MMP26: variants seen among roughly 807,000 people sequenced by gnomAD.
MMP26 encodes the protein matrix metalloproteinase-26.
In MMP26, 33 loss-of-function variants were observed where a neutral mutation model predicts 31.0. The observed-to-expected ratio is 1.06, with a 90% CI of 0.81 to 1.42. MMP26 has a LOEUF of 1.42. Ranked by LOEUF, MMP26 falls within the 40% of genes most tolerant of loss-of-function variation. The pLI is 0.00. For missense variants in MMP26, 347 were observed against 316.1 expected (o/e 1.10, Z -0.74); for synonymous variants, 122 against 114.9 (o/e 1.06, Z -0.40).
chr11:4,821,373 T>A (rs1849494890), intron 2 of MMP26: 1 of 1,594,366 alleles, frequency 6.3e-7, no homozygotes, highest in African/African-American at 1.3e-5. Flanking sequence ...CTATGTATTA[T>A]GTGTTATGTT....
intron 2 of MMP26, among the ~76,000 whole-genome samples, chr11:4,900,003 T>A (rs1175816747): frequency 6.6e-6 from 1 of 152,176 alleles, no homozygotes; most frequent in Admixed American, 6.5e-5. Flanking sequence ...CAGTCAAAGC[T>A]ATGTATAATG....
At chr11:4,771,748 A>C (rs1469754) in intron 2 of MMP26, among the ~76,000 whole-genome samples, 45,651 of 152,022 alleles carry the variant, frequency 0.3, 8,370 homozygotes, top group African/African-American at 0.5. Context: ...TCTGTGGTTT[A>C]TTTTAAATCT....
At chr11:4,969,855 C>G (rs922358260) in intron 2 of MMP26, among the ~76,000 whole-genome samples, 4 of 152,036 alleles carry the variant, frequency 2.6e-5, no homozygotes, top group Non-Finnish European at 5.9e-5. Flanking sequence ...GGCTCACTTG[C>G]CAAAGATACG....
At position 4,926,711 on chromosome 11, in the gene MMP26, T is replaced by G. The variant is rs1851278288; in HGVS notation, c.-144-61357T>G. On this transcript the variant is annotated intron_variant, in intron 2 of 7. Transcript: ENST00000380390. ...TTATTTTCTCACTTTCAAAATATAG[T>G]CCTTGCATATTATATTTTGGATATG... is the stretch of plus-strand genomic sequence containing the variant. 3.3e-5 allele frequency among the ~76,000 whole-genome samples: 5 copies of G among 152,168 alleles called. 1 individual carries two copies. Among genetic ancestry groups the G allele is most frequent in the Admixed American group, 3.3e-4 (5 of 15,270 alleles).
At chr11:4,705,286 AT>A (rs777982309) in intron 1 of MMP26, among the ~76,000 whole-genome samples, 6 of 152,132 alleles carry the variant, frequency 3.9e-5, no homozygotes, top group Non-Finnish European at 8.8e-5. Context: ...AGAAAAAAAA[AT>A]TTAAATAAGG....
chr11:4,935,292 A>G (rs1370211745), intron 2 of MMP26, among the ~76,000 whole-genome samples: 8 of 151,146 alleles, frequency 5.3e-5, no homozygotes, highest in African/African-American at 1.7e-4. Flanking sequence ...GGTCCTTCAC[A>G]TCCCTTGTAA....
At chr11:4,707,961 T>C (rs1003110770) in intron 1 of MMP26, among the ~76,000 whole-genome samples, 2 of 152,208 alleles carry the variant, frequency 1.3e-5, no homozygotes, top group African/African-American at 4.8e-5. Flanking sequence ...GGTCTTTTCT[T>C]TAAATACTGC....
At chr11:4,825,571 T>C (rs1260229034) in intron 2 of MMP26, among the ~76,000 whole-genome samples, 1 of 152,156 alleles carries the variant, frequency 6.6e-6, no homozygotes, top group Non-Finnish European at 1.5e-5. Context: ...ATCAGCCCAT[T>C]CCATAATCTT....
At chr11:4,846,605 C>T (rs1372595079) in intron 2 of MMP26, among the ~76,000 whole-genome samples, 1 of 151,934 alleles carries the variant, frequency 6.6e-6, no homozygotes, top group Non-Finnish European at 1.5e-5. Flanking sequence ...GGATAGATAC[C>T]CCATTCTTCA....
chr11:4,972,856 A>G (rs1321411463), intron 2 of MMP26: 1 of 152,220 alleles, frequency 6.6e-6, no homozygotes, highest in Admixed American at 6.5e-5. Context: ...TATATTGTAA[A>G]GTGATTAACA....
intron 1 of MMP26, among the ~76,000 whole-genome samples, chr11:4,705,604 A>G (rs1224025884): frequency 2.0e-5 from 3 of 152,226 alleles, no homozygotes; most frequent in Admixed American, 6.5e-5. Context: ...AGACACTTAA[A>G]GAGAACTGTT....
intron 2 of MMP26, chr11:4,804,398 C>T: frequency 6.3e-7 from 1 of 1,580,978 alleles, no homozygotes; most frequent in South Asian, 1.1e-5. Context: ...TTAATATGGT[C>T]TCTGCTGGGA....
intron 2 of MMP26, among the ~76,000 whole-genome samples, chr11:4,827,486 CT>C: frequency 6.6e-6 from 1 of 152,108 alleles, no homozygotes; most frequent in Admixed American, 6.6e-5. Context: ...ATGGGGATAG[CT>C]CCAGGGCAAT....
At chr11:4,920,040 C>T (rs1851159651) in intron 2 of MMP26, among the ~76,000 whole-genome samples, 1 of 152,046 alleles carries the variant, frequency 6.6e-6, no homozygotes, top group East Asian at 1.9e-4. Context: ...TATGTGATTA[C>T]AAGGGTATGA....
At chr11:4,851,000 TAGAAAC>T (rs1299170268) in intron 2 of MMP26, among the ~76,000 whole-genome samples, 2 of 152,042 alleles carry the variant, frequency 1.3e-5, no homozygotes, top group African/African-American at 4.8e-5. Context: ...AAGCAATAAA[TAGAAAC>T]AGACATTCAT....
At chr11:4,857,815 A>C (rs1239958538) in intron 2 of MMP26, among the ~76,000 whole-genome samples, 5 of 152,222 alleles carry the variant, frequency 3.3e-5, no homozygotes, top group African/African-American at 1.2e-4. Context: ...ACATCAATGC[A>C]AAAATACTCA....
chr11:4,855,187 C>A (rs1850032574), intron 2 of MMP26, among the ~76,000 whole-genome samples: 1 of 152,136 alleles, frequency 6.6e-6, no homozygotes, highest in South Asian at 2.1e-4. Context: ...AGCTCCTCAC[C>A]AGCAGTACAA....
At chr11:4,932,745 C>T (rs1435411288) in intron 2 of MMP26, among the ~76,000 whole-genome samples, 1 of 152,114 alleles carries the variant, frequency 6.6e-6, no homozygotes, top group Non-Finnish European at 1.5e-5. Context: ...AACATGGTTC[C>T]TGGTCAAGAA....
chr11:4,918,511 C>T (rs1311277285), intron 2 of MMP26, among the ~76,000 whole-genome samples: 1 of 152,024 alleles, frequency 6.6e-6, no homozygotes, highest in Non-Finnish European at 1.5e-5. Flanking sequence ...AATAATGATG[C>T]CAGGAGATAT....
Sources: allele counts gnomAD v4.1 joint callset (sites outside exome capture counted in the v4.1 genomes callset), GRCh38; gene constraint gnomAD v4.1.1; transcripts MANE v1.5; gene names NCBI Gene and HGNC (gene_info 2026-07-23, HGNC 2026-07-21).